Variants in C3orf38 observed in about 807,000 individuals in gnomAD.
C3orf38 encodes the protein chromosome 3 open reading frame 38.
Under a neutral mutation model 28.3 loss-of-function variants are expected in C3orf38, and 18 were observed. The ratio of observed to expected loss-of-function variants is 0.64; its 90% CI spans 0.44 to 0.94. C3orf38 has a LOEUF of 0.94. Among genes scored for constraint, C3orf38 ranks in the 40% least tolerant of loss-of-function variants. The pLI is 0.00. For missense variants in C3orf38, 364 were observed against 396.4 expected (o/e 0.92, Z 0.69); for synonymous variants, 145 against 138.1 (o/e 1.05, Z -0.35).
chr3:88,150,539 T>G (rs1707395202), intron 1 of C3orf38: 1 of 166,304 alleles, frequency 6.0e-6, no homozygotes, highest in Non-Finnish European at 1.3e-5. Flanking sequence ...TTTCTTCAAG[T>G]TTGAGTGGGA....
At chr3:88,151,499 C>T (rs1447925705) in intron 1 of C3orf38, among the ~76,000 whole-genome samples, 1 of 152,138 alleles carries the variant, frequency 6.6e-6, no homozygotes, top group Non-Finnish European at 1.5e-5. Flanking sequence ...GCTTTTGAAT[C>T]TCTCAGGGAT....
At chr3:88,150,510 C>A (rs1178440262) in intron 1 of C3orf38, 1 of 181,318 alleles carries the variant, frequency 5.5e-6, no homozygotes, top group Non-Finnish European at 1.2e-5. Context: ...GCTGAAGAGT[C>A]AGCTGCTGCT....
Position 88,153,245 on chromosome 3 carries a change from T to G in C3orf38, c.149T>G (p.Ile50Arg), listed in dbSNP as rs528173937. The change falls in exon 2 of 3, where the codon ATA (isoleucine) becomes AGA (arginine). Residue 50 changes from isoleucine (I) to arginine (R), a missense_variant. Ile to Arg is a moderately conservative substitution (Grantham distance 97). Coordinates refer to ENST00000318887, the MANE Select transcript of C3orf38 (RefSeq NM_173824.4). ...PQDRQDAVHA[I>R]LAYSQSAEEL... ...TTCTTTCTAGATGCTGTTCATGCAA[T>G]ATTAGCATACAGTCAAAGTGCAGAA... 1 of 1,611,938 alleles carries G rather than the reference T, an allele frequency of 6.2e-7. No individual in the cohort carries two copies. The highest frequency in any genetic ancestry group is 1.3e-5 in the African/African-American group (1 of 74,748).
chr3:88,157,710 A>G lies in C3orf38; in HGVS notation c.*1075A>G, dbSNP rs1250017134. 1 of 152,164 alleles carries G rather than the reference A, an allele frequency of 6.6e-6. No homozygotes were observed. Among genetic ancestry groups the G allele is most frequent in the East Asian group, 1.9e-4 (1 of 5,204 alleles). 9.4% of individuals were successfully genotyped at this position (152,164 alleles called of 1,614,324 possible). A position where few individuals can be genotyped will look rare whatever the true frequency, so the allele number is the denominator to read the frequency against. On this transcript the variant is annotated 3_prime_UTR_variant, in exon 3 of 3. Coordinates refer to ENST00000318887, the MANE Select transcript of C3orf38 (RefSeq NM_173824.4). ...ATCACCTAGCAACTGTTTGCTGATC[A>G]TGGATTTACTTAGTTACTTTAATTT...
chr3:88,150,243 C>G (rs554339669), intron 1 of C3orf38, 58 bp downstream of exon 1: 4 of 1,589,082 alleles, frequency 2.5e-6, no homozygotes, highest in African/African-American at 1.3e-5. Context: ...TCACGCCTAC[C>G]CCGCTTAGGC....
Position 88,156,322 on chromosome 3 carries a change from C to T in C3orf38, c.677C>T (p.Ser226Phe). ...GATTCACATGGACTGAAATGTGCAT[C>T]TTCTCCTCATGGGCTGGTTATGGTT... Reference protein sequence around the residue: ...NLDSHGLKCASSPHGLVMVGV... With the variant: ...NLDSHGLKCAFSPHGLVMVGV... The change falls in exon 3 of 3, where the codon TCT becomes TTT. Residue 226 changes from serine to phenylalanine, a missense_variant. Physicochemically the swap from Ser to Phe is radical, Grantham distance 155. Transcript: ENST00000318887. 6.2e-7 allele frequency: 1 copy of T among 1,614,194 alleles called. No individual in the cohort carries two copies. The highest frequency in any genetic ancestry group is 1.1e-5 in the South Asian group (1 of 91,088).
At position 88,156,295 on chromosome 3, in the gene C3orf38, T is replaced by G; in HGVS notation, c.650T>G (p.Leu217Arg). 1 of 1,614,228 alleles carries G rather than the reference T, an allele frequency of 6.2e-7. No individual in the cohort carries two copies. The change falls in exon 3 of 3, where the codon CTA (leucine) becomes CGA (arginine). Residue 217 changes from leucine (L) to arginine (R), a missense_variant. Leu to Arg is a moderately radical substitution (Grantham distance 102, BLOSUM62 -2). Coordinates refer to ENST00000318887, the MANE Select transcript of C3orf38 (RefSeq NM_173824.4). ...GAATTTCTTTTTCTCAGCCCCAACC[T>G]AGATTCACATGGACTGAAATGTGCA... ...KEEFLFLSPN[L>R]DSHGLKCASS...
In C3orf38 at chr3:88,156,142, A is replaced by G. The variant is rs760526512; in HGVS notation, c.497A>G (p.Glu166Gly). Residue 166 changes from glutamate (E) to glycine (G), a missense_variant, in exon 3 of 3, where the codon GAA becomes GGA. Glu to Gly is a moderately conservative substitution (Grantham distance 98). Transcript: ENST00000318887. ...QNPFLGPPQD[E>G]WGPQHFWHDV... Reference sequence around the variant, plus strand: ...CCTTTTCTAGGACCACCTCAAGATGAATGGGGACCACAGCACTTCTGGCAT... The same window carrying G: ...CCTTTTCTAGGACCACCTCAAGATGGATGGGGACCACAGCACTTCTGGCAT... The G allele has an allele frequency of 6.2e-7, 1 of 1,613,852 alleles. No homozygotes were observed. The highest frequency in any genetic ancestry group is 1.1e-5 in the South Asian group (1 of 91,020).
rs368428380 is a variant in C3orf38 at position 88,152,181 on chromosome 3, C to T, written c.134-1049C>T. ...CTGTAATCCCAGCACTTTGGGAGGC[C>T]GAGGCAAGCGGATCATCTGAGGTCA... On this transcript the variant is annotated intron_variant, in intron 1 of 2. Transcript: ENST00000318887. Among the ~76,000 whole-genome samples, 17 of 151,852 alleles carry T rather than the reference C, an allele frequency of 1.1e-4. 1 individual carries two copies. In the South Asian group the frequency reaches 2.9e-3, roughly 26 times the overall value.
At chr3:88,155,431 A>ATATATTTTTATATATTG (rs1707466311) in intron 2 of C3orf38, among the ~76,000 whole-genome samples, 1 of 149,922 alleles carries the variant, frequency 6.7e-6, no homozygotes, top group East Asian at 1.9e-4. Context: ...CATATAATTT[A>ATATATTTTTATATATTG]TATATTTTTA....
chr3:88,155,583 T>C (rs9815738), intron 2 of C3orf38, among the ~76,000 whole-genome samples: 118,576 of 151,358 alleles, frequency 0.78, 47,369 homozygotes, highest in South Asian at 0.91. Context: ...CTCAGCCTCC[T>C]GAGTAGCTGG....
chr3:88,153,205 A>G, intron 1 of C3orf38, 25 bp from the exon 2 acceptor site: 1 of 1,591,768 alleles, frequency 6.3e-7, no homozygotes, highest in Non-Finnish European at 8.5e-7. Flanking sequence ...ATGATTTTTT[A>G]TTAATCTTTG....
At chr3:88,153,528 A>G (rs2107931500) in intron 2 of C3orf38, 57 bp downstream of exon 2, 2 of 1,561,854 alleles carry the variant, frequency 1.3e-6, no homozygotes, top group East Asian at 4.5e-5. Context: ...AACTTTGTTG[A>G]TAATCCTAGA....
Position 88,157,884 on chromosome 3 carries a change from A to G in C3orf38, c.*1249A>G, listed in dbSNP as rs1001542184. On this transcript the variant is annotated 3_prime_UTR_variant, in exon 3 of 3. Coordinates refer to ENST00000318887, the MANE Select transcript of C3orf38 (RefSeq NM_173824.4). ...AACTCATCTTTGTTTTTTTAATGCT[A>G]TGCCTCTTACGAGGAATACGAATTG... The G allele has an allele frequency of 2.6e-5, 4 of 152,132 alleles. No homozygotes were observed. The highest frequency in any genetic ancestry group is 9.7e-5 in the African/African-American group (4 of 41,448). The allele number at this position is 152,132 out of a possible 1,614,324, so 9.4% of individuals were successfully genotyped here.
chr3:88,153,542 T>C, intron 2 of C3orf38, 71 bp downstream of exon 2: 1 of 1,515,614 alleles, frequency 6.6e-7, no homozygotes, highest in South Asian at 1.2e-5. Context: ...TCCTAGATTG[T>C]GGGGAACATG....
chr3:88,153,597 AT>A, intron 2 of C3orf38, 126 bp downstream of exon 2: 2 of 1,175,494 alleles, frequency 1.7e-6, no homozygotes, highest in Middle Eastern at 2.9e-4. Context: ...TTTTTAAGAG[AT>A]TCTTGCTCTG....
chr3:88,153,290 A>G lies in C3orf38; in HGVS notation c.194A>G (p.Lys65Arg), dbSNP rs1453640727. The G allele has an allele frequency of 6.2e-7, 1 of 1,613,524 alleles. No homozygotes were observed. Among genetic ancestry groups the G allele is most frequent in the Admixed American group, 1.7e-5 (1 of 59,964 alleles). ...GCAGAAGAACTTCTGAGGCGTAGAA[A>G]AGTCCACCGAGAAGTTATATTTAAG... ...QSAEELLRRRKVHREVIFKYL... is the reference protein window; with the variant it reads ...QSAEELLRRRRVHREVIFKYL... The change falls in exon 2 of 3, where the codon AAA (lysine) becomes AGA (arginine). Residue 65 changes from lysine (K) to arginine (R), a missense_variant. Lys to Arg is a conservative substitution (Grantham distance 26, BLOSUM62 2). Transcript: ENST00000318887.
chr3:88,153,969 AG>A (rs1707449051), intron 2 of C3orf38, among the ~76,000 whole-genome samples: 1 of 152,204 alleles, frequency 6.6e-6, no homozygotes, highest in Non-Finnish European at 1.5e-5. Flanking sequence ...TCTGACATAT[AG>A]TGATGCATAT....
At chr3:88,151,956 G>A (rs1025218785) in intron 1 of C3orf38, among the ~76,000 whole-genome samples, 4 of 152,176 alleles carry the variant, frequency 2.6e-5, no homozygotes, top group Non-Finnish European at 5.9e-5. Flanking sequence ...GCTACTCTGA[G>A]GTGGATGCGA....
Sources: allele counts gnomAD v4.1 joint callset (sites outside exome capture counted in the v4.1 genomes callset), GRCh38; gene constraint gnomAD v4.1.1; transcripts MANE v1.5; gene names NCBI Gene and HGNC (gene_info 2026-07-23, HGNC 2026-07-21).